TENM4: variants seen among roughly 807,000 people sequenced by gnomAD.
TENM4 encodes teneurin transmembrane protein 4.
TENM4 carries 82 observed loss-of-function variants against 243.3 expected under a neutral mutation model. The ratio of observed to expected loss-of-function variants is 0.34; its 90% CI spans 0.28 to 0.40. TENM4 has a LOEUF of 0.40. TENM4 is among the 10% of genes least tolerant of loss of function. TENM4 has a pLI of 1.00. For synonymous variants in TENM4, 1,412 were observed against 1,456.3 expected, an observed-to-expected ratio of 0.97 and a Z score of 0.69; for missense variants, 3,138 against 3,673.3, an observed-to-expected ratio of 0.85 and a Z score of 3.77.
intron 19 of TENM4, among the ~76,000 whole-genome samples, chr11:78,754,345 T>C (rs1194314036): frequency 6.6e-6 from 1 of 152,196 alleles, no homozygotes; most frequent in African/African-American, 2.4e-5. Flanking sequence ...TCAGACTTGC[T>C]GGAGCAACAA....
At chr11:79,253,572 G>A (rs930966950) in intron 2 of TENM4, among the ~76,000 whole-genome samples, 2 of 152,174 alleles carry the variant, frequency 1.3e-5, no homozygotes, top group Non-Finnish European at 2.9e-5. Flanking sequence ...GCGTCTTAGT[G>A]CCTGGTACTT....
chr11:78,805,731 A>G (rs1857375718), intron 14 of TENM4, among the ~76,000 whole-genome samples: 1 of 152,192 alleles, frequency 6.6e-6, no homozygotes, highest in Admixed American at 6.5e-5. Flanking sequence ...ATGTGTCTCA[A>G]GCATCAGCAT....
At chr11:78,736,957 C>T (rs1369947855) in intron 20 of TENM4, among the ~76,000 whole-genome samples, 1 of 152,140 alleles carries the variant, frequency 6.6e-6, no homozygotes, top group Non-Finnish European at 1.5e-5. Context: ...CAGGAGGAAT[C>T]AGGAAGTGTC....
chr11:78,903,690 C>T (rs1486928356), intron 6 of TENM4, 167 bp from the exon 7 acceptor site: 2 of 1,113,184 alleles, frequency 1.8e-6, no homozygotes, highest in Non-Finnish European at 2.6e-6. Flanking sequence ...GAGCACCTAC[C>T]ATTCTAGGTG....
chr11:78,697,814 C>A (rs982234083), intron 28 of TENM4, among the ~76,000 whole-genome samples: 2 of 152,090 alleles, frequency 1.3e-5, no homozygotes, highest in African/African-American at 4.8e-5. Flanking sequence ...TGCTCATATC[C>A]ATCCAGCAAG....
At chr11:79,235,131 G>A (rs1043641597) in intron 2 of TENM4, among the ~76,000 whole-genome samples, 1 of 152,096 alleles carries the variant, frequency 6.6e-6, no homozygotes, top group African/African-American at 2.4e-5. Context: ...GGCTAACACG[G>A]TGAAACCCCG....
intron 3 of TENM4, among the ~76,000 whole-genome samples, chr11:79,204,687 T>C (rs1037605632): frequency 6.6e-5 from 10 of 152,214 alleles, no homozygotes; most frequent in Non-Finnish European, 1.0e-4. Flanking sequence ...CAGTGTTTAG[T>C]AGAGCTGCAG....
At chr11:79,406,358 A>C (rs749194058) in intron 1 of TENM4, among the ~76,000 whole-genome samples, 15 of 152,250 alleles carry the variant, frequency 9.9e-5, no homozygotes, top group Non-Finnish European at 1.9e-4. Flanking sequence ...AATAGAAAAC[A>C]AAAAGGTTAA....
At chr11:78,844,873 C>T (rs1425540147) in intron 12 of TENM4, among the ~76,000 whole-genome samples, 2 of 152,182 alleles carry the variant, frequency 1.3e-5, no homozygotes, top group Non-Finnish European at 2.9e-5. Flanking sequence ...TTTGTTATGG[C>T]AGCCCTAGCA....
At chr11:78,969,421 C>A (rs1053034670) in intron 6 of TENM4, among the ~76,000 whole-genome samples, 5 of 152,160 alleles carry the variant, frequency 3.3e-5, no homozygotes, top group African/African-American at 7.2e-5. Flanking sequence ...ATAAATAGAG[C>A]AAGCTAGTTG....
chr11:79,308,616 TTGACAGCA>T (rs1565292875), intron 1 of TENM4, among the ~76,000 whole-genome samples: 1 of 152,210 alleles, frequency 6.6e-6, no homozygotes, highest in Non-Finnish European at 1.5e-5. Flanking sequence ...CAACCTCTAA[TTGACAGCA>T]GTGACCTCAC....
chr11:78,854,013 C>A, intron 12 of TENM4, 91 bp downstream of exon 12: 1 of 1,285,848 alleles, frequency 7.8e-7, no homozygotes, highest in Non-Finnish European at 1.1e-6. Flanking sequence ...GCTCTGACAT[C>A]CCCTTGTCAG....
rs1167908504 is a variant in TENM4 at position 78,668,960 on chromosome 11, T to C, written c.7385A>G (p.Gln2462Arg). Reference protein sequence around the residue: ...FKNNNPISNSQDIKCFMTDVN... With the variant: ...FKNNNPISNSRDIKCFMTDVN... ...ACCTGTCATGAAGCACTTGATGTCC[T>C]GGGAGTTGCTGATGGGGTTGTTGTT... Residue 2462 changes from glutamine (Q) to arginine (R), a missense_variant, in exon 32 of 34, where the codon CAG becomes CGG. Physicochemically the swap from Gln to Arg is conservative, Grantham distance 43 (BLOSUM62 1). Around this residue, in one of 2 missense-constraint regions of TENM4, gnomAD observed 2,467 missense variants for 3,059.1 expected, o/e 0.81. Transcript: ENST00000278550. The C allele has an allele frequency of 1.9e-6, 3 of 1,613,658 alleles. No individual in the cohort carries two copies. Among genetic ancestry groups the C allele is most frequent in the Non-Finnish European group, 8.5e-7 (1 of 1,179,612 alleles).
chr11:79,102,008 C>T (rs1942885), intron 4 of TENM4, among the ~76,000 whole-genome samples: 87,283 of 151,986 alleles, frequency 0.57, 27,587 homozygotes, highest in Non-Finnish European at 0.73. Flanking sequence ...ACACTTTCTA[C>T]TGGCTTGGGC....
chr11:79,305,576 G>A (rs536199290), intron 1 of TENM4, among the ~76,000 whole-genome samples: 15 of 152,290 alleles, frequency 9.8e-5, no homozygotes, highest in Admixed American at 5.2e-4. Flanking sequence ...GGCTTAAAAC[G>A]TAGATACATC....
At chr11:78,754,000 G>T (rs1856249211) in intron 19 of TENM4, among the ~76,000 whole-genome samples, 2 of 152,172 alleles carry the variant, frequency 1.3e-5, no homozygotes, top group African/African-American at 4.8e-5. Flanking sequence ...AGGTAAAATA[G>T]ATAATATGTC....
intron 1 of TENM4, among the ~76,000 whole-genome samples, chr11:79,300,943 G>T (rs1413692992): frequency 6.6e-6 from 1 of 152,088 alleles, no homozygotes; most frequent in Non-Finnish European, 1.5e-5. Flanking sequence ...CCCCCTGCAT[G>T]TCACTACTAC....
chr11:79,391,448 G>C (rs1366187128), intron 1 of TENM4, among the ~76,000 whole-genome samples: 1 of 152,046 alleles, frequency 6.6e-6, no homozygotes, highest in Non-Finnish European at 1.5e-5. Flanking sequence ...ATGTCTTTGG[G>C]AACTACTGAA....
At chr11:78,662,046 C>A (rs1858044773) in intron 32 of TENM4, among the ~76,000 whole-genome samples, 1 of 152,180 alleles carries the variant, frequency 6.6e-6, no homozygotes. Flanking sequence ...CTCTCCCACC[C>A]TCCTGTGCAG....
Sources: allele counts gnomAD v4.1 joint callset (sites outside exome capture counted in the v4.1 genomes callset), GRCh38; gene constraint gnomAD v4.1.1; regional missense constraint gnomAD v4.1.1; transcripts MANE v1.5; gene names NCBI Gene and HGNC (gene_info 2026-07-23, HGNC 2026-07-21).